Variants in PPARA observed in about 807,000 individuals in gnomAD.
PPARA encodes the protein peroxisome proliferator activated receptor alpha.
Under a neutral mutation model 42.2 loss-of-function variants are expected in PPARA, and 22 were observed. That is an observed-to-expected ratio of 0.52 (90% CI 0.37 to 0.74). The LOEUF is 0.74. Ranked by LOEUF, PPARA falls within the 30% of genes least tolerant of loss-of-function variation. The probability of loss-of-function intolerance (pLI) is 0.00; values close to 1 mark genes in which losing one functional copy is unlikely to be tolerated. For synonymous variants in PPARA, 242 were observed against 239.3 expected (o/e 1.01, Z -0.10); for missense variants, 465 against 608.2 (o/e 0.76, Z 2.48).
chr22:46,229,937 G>A (rs1237121086), intron 7 of PPARA, among the ~76,000 whole-genome samples: 5 of 152,210 alleles, frequency 3.3e-5, no homozygotes, highest in Non-Finnish European at 1.5e-5. Context: ...GTTTTGTGCT[G>A]TGAGTCCAGA....
rs1268042844 is a variant in PPARA, at chr22:46,231,929, C to T, written c.849C>T (p.Thr283=). 32 of 1,614,114 alleles carry T rather than the reference C, an allele frequency of 2.0e-5. No individual in the cohort carries two copies. In the Admixed American group the frequency reaches 3.5e-4, roughly 18 times the overall value. ...FHCCQCTSVE[T]VTELTEFAKA... is the part of the protein sequence containing the mutation. ...GCTGCCAGTGCACGTCAGTGGAGAC[C>T]GTCACGGAGCTCACGGAATTCGCCA... The change falls in exon 8 of 9, where the codon ACC becomes ACT. Residue 283 remains threonine (T), a synonymous_variant. Coordinates refer to ENST00000407236, the MANE Select transcript of PPARA (RefSeq NM_005036.6). The surrounding 1 kb of genome is among the most constrained non-coding windows in gnomAD (Gnocchi z 7.7).
In PPARA at chr22:46,163,109, G is replaced by C. The variant is rs1926468760; in HGVS notation, c.-127+11139G>C. 6.6e-6 allele frequency among the ~76,000 whole-genome samples: 1 copy of C among 152,188 alleles called. No homozygotes were observed. The highest frequency in any genetic ancestry group is 1.5e-5 in the Non-Finnish European group (1 of 68,022). On this transcript the variant is annotated intron_variant, in intron 2 of 8. Transcript: ENST00000407236. The surrounding 1 kb of genome is among the most constrained non-coding windows in gnomAD (Gnocchi z 4.9). ...AGAGGGGAAAGAGCGGGGACAGAGGGTCACGGAGGTCGCAGGGGCGTGTGT... is the reference window on the plus strand; with the variant it reads ...AGAGGGGAAAGAGCGGGGACAGAGGCTCACGGAGGTCGCAGGGGCGTGTGT...
rs890512354 is a variant in PPARA, at chr22:46,239,275, G to C, written c.*3895G>C. The C allele has an allele frequency of 2.8e-4, 42 of 152,066 alleles. No individual in the cohort carries two copies. The highest frequency in any genetic ancestry group is 1.0e-3 in the African/African-American group (42 of 41,380). The allele number at this position is 152,066 out of a possible 1,614,324, so 9.4% of individuals were successfully genotyped here. On this transcript the variant is annotated 3_prime_UTR_variant, in exon 9 of 9. Transcript: ENST00000407236. ...GGCAGCCTCCCAGAGCCGAGCAAGA[G>C]CTCAAGGTACAAATGAGAGATTTGC...
intron 7 of PPARA, among the ~76,000 whole-genome samples, chr22:46,223,404 A>C (rs1426896186): frequency 6.6e-6 from 1 of 152,122 alleles, no homozygotes; most frequent in East Asian, 1.9e-4. Context: ...GCACTTTGGG[A>C]GGCTGAGGCA....
chr22:46,201,872 C>A (rs1437373009), intron 4 of PPARA, among the ~76,000 whole-genome samples: 1 of 152,192 alleles, frequency 6.6e-6, no homozygotes, highest in Non-Finnish European at 1.5e-5. Flanking sequence ...TTAGAAAAAT[C>A]TTTTCCTTAT....
Position 46,231,389 on chromosome 22 carries a change from T to G in PPARA, c.712-403T>G, listed in dbSNP as rs1489541536. On this transcript the variant is annotated intron_variant, in intron 7 of 8. Coordinates refer to ENST00000407236, the MANE Select transcript of PPARA (RefSeq NM_005036.6). The surrounding 1 kb of genome is among the most constrained non-coding windows in gnomAD (Gnocchi z 7.7). The stretch of plus-strand genomic sequence containing the variant: ...GCCCGCCACCACACCCAGCTAATTT[T>G]TTTGTATTTTTAGTAGAGACGGGGT... Among the ~76,000 whole-genome samples the G allele has an allele frequency of 1.3e-5, 2 of 152,050 alleles. No homozygotes were observed. The highest frequency in any genetic ancestry group is 3.9e-4 in the East Asian group (2 of 5,188).
Position 46,234,347 on chromosome 22 carries a change from G to C in PPARA, c.1160-786G>C. Among the ~76,000 whole-genome samples the C allele has an allele frequency of 6.6e-6, 1 of 152,176 alleles. No individual in the cohort carries two copies. Among genetic ancestry groups the C allele is most frequent in the South Asian group, 2.1e-4 (1 of 4,832 alleles). On this transcript the variant is annotated intron_variant, in intron 8 of 8. Transcript: ENST00000407236. This position sits in a 1 kb window ranked among gnomAD's most constrained non-coding sequence, Gnocchi z 5.8. ...TTAAATCCTCATCACTAGCAACCCT[G>C]TTAAGAATCATAGTAATGACTGGGT...
At chr22:46,199,080 GC>G (rs1166442461) in intron 4 of PPARA, among the ~76,000 whole-genome samples, 1 of 152,164 alleles carries the variant, frequency 6.6e-6, no homozygotes, top group African/African-American at 2.4e-5. Context: ...GGCTCACGGT[GC>G]CCCCTCTTGT....
In PPARA at chr22:46,235,118, T is replaced by C; in HGVS notation, c.1160-15T>C. 2 of 1,613,950 alleles carry C rather than the reference T, an allele frequency of 1.2e-6. No homozygotes were observed. The highest frequency in any genetic ancestry group is 1.7e-6 in the Non-Finnish European group (2 of 1,179,866). ...ATTATCACACTCAAACCTCTCTCTC[T>C]TCTTTCGAGACTAGATCGTCCTGGC... On this transcript the variant is annotated splice_polypyrimidine_tract_variant and intron_variant, in intron 8 of 8. Coordinates refer to ENST00000407236, the MANE Select transcript of PPARA (RefSeq NM_005036.6). The surrounding 1 kb of genome is among the most constrained non-coding windows in gnomAD (Gnocchi z 7.0).
At position 46,225,847 on chromosome 22, in the gene PPARA, G is replaced by A. The variant is rs951639262; in HGVS notation, c.711+5833G>A. ...CAGACGCACCTCCACCCCCACACAC[G>A]CACACACACACATGCACCCACACAT... On this transcript the variant is annotated intron_variant, in intron 7 of 8. Transcript: ENST00000407236. This position sits in a 1 kb window ranked among gnomAD's most constrained non-coding sequence, Gnocchi z 4.1. 4.2e-5 allele frequency among the ~76,000 whole-genome samples: 6 copies of A among 142,376 alleles called. No individual in the cohort carries two copies. Among genetic ancestry groups the A allele is most frequent in the Middle Eastern group, 4.3e-3 (1 of 234 alleles). 93.4% of individuals were successfully genotyped at this position (142,376 alleles called of 152,430 possible). A position where few individuals can be genotyped will look rare whatever the true frequency, so the allele number is the denominator to read the frequency against.
At position 46,221,778 on chromosome 22, in the gene PPARA, C is replaced by A; in HGVS notation, c.711+1764C>A. Among the ~76,000 whole-genome samples, 1 of 151,102 alleles carries A rather than the reference C, an allele frequency of 6.6e-6. No individual in the cohort carries two copies. The highest frequency in any genetic ancestry group is 2.4e-5 in the African/African-American group (1 of 41,050). On this transcript the variant is annotated intron_variant, in intron 7 of 8. Transcript: ENST00000407236. This position sits in a 1 kb window ranked among gnomAD's most constrained non-coding sequence, Gnocchi z 5.9. ...CGTGCCACTGCACTTCCAGCCTGGG[C>A]GACAAAGCCAGCTGTGTCTGGGCGC...
intron 4 of PPARA, among the ~76,000 whole-genome samples, chr22:46,208,945 TC>T (rs1353468485): frequency 6.6e-6 from 1 of 151,848 alleles, no homozygotes; most frequent in African/African-American, 2.4e-5. Context: ...TATCACATTT[TC>T]TTTATCTCTT....
chr22:46,234,978 A>G lies in PPARA; in HGVS notation c.1160-155A>G, dbSNP rs904282007. Among the ~76,000 whole-genome samples the G allele has an allele frequency of 6.6e-6, 1 of 152,186 alleles. No individual in the cohort carries two copies. Among genetic ancestry groups the G allele is most frequent in the African/African-American group, 2.4e-5 (1 of 41,442 alleles). On this transcript the variant is annotated intron_variant, in intron 8 of 8. Transcript: ENST00000407236. This position sits in a 1 kb window ranked among gnomAD's most constrained non-coding sequence, Gnocchi z 5.8. ...TCACCTATTGACTTTGGAAAAACCT[A>G]TGTCTATCTTCCAGTCAAGTTGACA...
Position 46,219,885 on chromosome 22 carries a change from C to T in PPARA, c.582C>T (p.Asp194=). 1.9e-6 allele frequency: 3 copies of T among 1,614,166 alleles called. No homozygotes were observed. The highest frequency in any genetic ancestry group is 2.5e-6 in the Non-Finnish European group (3 of 1,180,024). ...CAGAAATTCTTACCTGTGAACATGA[C>T]ATAGAAGATTCTGAAACTGCAGATC... ...LKAEILTCEH[D]IEDSETADLK... Residue 194 remains aspartate (D), a synonymous_variant, in exon 7 of 9, where the codon GAC becomes GAT. Transcript: ENST00000407236. This position sits in a 1 kb window ranked among gnomAD's most constrained non-coding sequence, Gnocchi z 4.8.
chr22:46,191,853 G>A lies in PPARA; in HGVS notation c.-42-6489G>A, dbSNP rs182589389. ...GAGGCTGAGGCGGGCAGATCACGAG[G>A]TCAAGAGATCAAGACCATCCTGGCC... On this transcript the variant is annotated intron_variant, in intron 3 of 8. Coordinates refer to ENST00000407236, the MANE Select transcript of PPARA (RefSeq NM_005036.6). This position sits in a 1 kb window ranked among gnomAD's most constrained non-coding sequence, Gnocchi z 4.6. Among the ~76,000 whole-genome samples, 311 of 152,310 alleles carry A rather than the reference G, an allele frequency of 2.0e-3. No homozygotes were observed. The highest frequency in any genetic ancestry group is 0.011 in the South Asian group (54 of 4,834).
chr22:46,177,058 A>C (rs1801755882), intron 3 of PPARA, among the ~76,000 whole-genome samples: 1 of 152,064 alleles, frequency 6.6e-6, no homozygotes, highest in African/African-American at 2.4e-5. Context: ...CAAATACAAA[A>C]AAATTAGCCG....
Position 46,235,185 on chromosome 22 carries a change from T to C in PPARA, c.1212T>C (p.Ile404=), listed in dbSNP as rs1181513761. ...ACATTGAAAAAATGCAGGAGGGTAT[T>C]GTACATGTGCTCAGACTCCACCTGC... The part of the protein sequence containing the change: ...VGHIEKMQEG[I]VHVLRLHLQS... The change falls in exon 9 of 9, where the codon ATT becomes ATC. Residue 404 remains isoleucine, a synonymous_variant. Coordinates refer to ENST00000407236, the MANE Select transcript of PPARA (RefSeq NM_005036.6). The surrounding 1 kb of genome is among the most constrained non-coding windows in gnomAD (Gnocchi z 7.0). 1 of 1,612,934 alleles carries C rather than the reference T, an allele frequency of 6.2e-7. No individual in the cohort carries two copies.
At position 46,211,367 on chromosome 22, in the gene PPARA, G is replaced by T. The variant is rs1271189025; in HGVS notation, c.209-3806G>T. Among the ~76,000 whole-genome samples the T allele has an allele frequency of 6.6e-6, 1 of 152,106 alleles. No homozygotes were observed. Among genetic ancestry groups the T allele is most frequent in the African/African-American group, 2.4e-5 (1 of 41,416 alleles). ...TCAGAACTGTTAACCCACACCCTGT[G>T]GGAAAAAAACTCCATCAGCTAGAGC... On this transcript the variant is annotated intron_variant, in intron 4 of 8. Transcript: ENST00000407236. The surrounding 1 kb of genome is among the most constrained non-coding windows in gnomAD (Gnocchi z 4.1).
Position 46,203,219 on chromosome 22 carries a change from A to G in PPARA, c.208+4628A>G, listed in dbSNP as rs1932935531. Among the ~76,000 whole-genome samples, 1 of 152,136 alleles carries G rather than the reference A, an allele frequency of 6.6e-6. No individual in the cohort carries two copies. Among genetic ancestry groups the G allele is most frequent in the Admixed American group, 6.6e-5 (1 of 15,260 alleles). On this transcript the variant is annotated intron_variant, in intron 4 of 8. Coordinates refer to ENST00000407236, the MANE Select transcript of PPARA (RefSeq NM_005036.6). The surrounding 1 kb of genome is among the most constrained non-coding windows in gnomAD (Gnocchi z 5.8). ...ATGAGGTCATTTAAGATTATTTCTT[A>G]TTTGTAAATTAGATCGTTCATATTT...
Sources: gnomAD v4.1 joint callset for allele counts (sites outside exome capture counted in the v4.1 genomes callset) on GRCh38, gnomAD v4.1.1 for gene constraint, Gnocchi (gnomAD v3.1) non-coding constraint, MANE v1.5 for transcripts, NCBI Gene and HGNC (gene_info 2026-07-23, HGNC 2026-07-21) for gene names.